BTBD10: variants seen among roughly 807,000 people sequenced by gnomAD.
BTBD10 encodes the protein BTB/POZ domain-containing protein 10.
Under a neutral mutation model 53.2 loss-of-function variants are expected in BTBD10, and 21 were observed. The ratio of observed to expected loss-of-function variants is 0.39; its 90% CI spans 0.28 to 0.57. The LOEUF (loss-of-function observed/expected upper bound fraction) is 0.57, where lower values mean the gene tolerates loss of function less well. Among genes scored for constraint, BTBD10 ranks in the 20% least tolerant of loss-of-function variants. The pLI, the probability that BTBD10 is intolerant of heterozygous loss-of-function variation, is 0.53. For missense variants in BTBD10, 360 were observed against 594.7 expected, an observed-to-expected ratio of 0.61 and a Z score of 4.10; for synonymous variants, 149 against 192.7, an observed-to-expected ratio of 0.77 and a Z score of 1.88.
At chr11:13,390,896 C>A (rs1949392023) in intron 8 of BTBD10, among the ~76,000 whole-genome samples, 2 of 152,282 alleles carry the variant, frequency 1.3e-5, no homozygotes, top group South Asian at 4.2e-4. Flanking sequence ...ATCTAAAAAC[C>A]TGTAGAATGT....
At chr11:13,459,857 T>A (rs1445806521) in intron 1 of BTBD10, 2 of 152,188 alleles carry the variant, frequency 1.3e-5, no homozygotes. Context: ...GATCCTCCTT[T>A]GGGATGGCAA....
rs573638303 is a variant in BTBD10, at chr11:13,388,670, C to A, written c.*161G>T. 23 of 697,956 alleles carry A rather than the reference C, an allele frequency of 3.3e-5. No individual in the cohort carries two copies. In the East Asian group the frequency reaches 4.1e-4, roughly 12 times the overall value. 43.2% of individuals were successfully genotyped at this position (697,956 alleles called of 1,614,324 possible). A position where few individuals can be genotyped will look rare whatever the true frequency, so the allele number is the denominator to read the frequency against. On this transcript the variant is annotated 3_prime_UTR_variant, in exon 9 of 9. Coordinates refer to ENST00000278174, the MANE Select transcript of BTBD10 (RefSeq NM_032320.7). ...AGAGTTGTACTCATTTAAAAAAAAACCATTCAGCTACCTTTGGTCTTTAAA... is the reference window on the plus strand; with the variant it reads ...AGAGTTGTACTCATTTAAAAAAAAAACATTCAGCTACCTTTGGTCTTTAAA...
Position 13,388,728 on chromosome 11 carries a change from A to C in BTBD10, c.*103T>G. ...ACACTGCAATATCCTAAACATTGTTATGTGCATCTCACAATGAAGAAGAGT... is the reference window on the plus strand; with the variant it reads ...ACACTGCAATATCCTAAACATTGTTCTGTGCATCTCACAATGAAGAAGAGT... On this transcript the variant is annotated 3_prime_UTR_variant, in exon 9 of 9. Transcript: ENST00000278174. 8.0e-7 allele frequency: 1 copy of C among 1,253,022 alleles called. No homozygotes were observed. Among genetic ancestry groups the C allele is most frequent in the Non-Finnish European group, 1.1e-6 (1 of 899,836 alleles). 77.6% of individuals were successfully genotyped at this position (1,253,022 alleles called of 1,614,324 possible).
rs562015023 is a variant in BTBD10 at position 13,451,162 on chromosome 11, T to TG, written c.-57-5982dup. Among the ~76,000 whole-genome samples the TG allele has an allele frequency of 1.2e-4, 19 of 152,180 alleles. No homozygotes were observed. In the South Asian group the frequency reaches 3.5e-3, roughly 28 times the overall value. ...CCCTGGCTGATAGCTAAAATACACA[T>TG]GTACGGGAGGTAGGGGAGGGACATC... On this transcript the variant is annotated intron_variant, in intron 1 of 8. Transcript: ENST00000278174.
chr11:13,413,414 T>A (rs905757816), intron 6 of BTBD10, 116 bp downstream of exon 6: 1 of 868,250 alleles, frequency 1.2e-6, no homozygotes, highest in African/African-American at 1.7e-5. Context: ...ACTAGAATGC[T>A]TTATAATTGA....
chr11:13,459,120 G>A (rs1358735259), intron 1 of BTBD10, among the ~76,000 whole-genome samples: 1 of 149,024 alleles, frequency 6.7e-6, no homozygotes, highest in African/African-American at 2.5e-5. Flanking sequence ...GCAGTGGCGG[G>A]ATCTCGGCTC....
intron 2 of BTBD10, among the ~76,000 whole-genome samples, chr11:13,425,389 C>G (rs1950316565): frequency 6.6e-6 from 1 of 151,902 alleles, no homozygotes; most frequent in Non-Finnish European, 1.5e-5. Context: ...ATCAAACACA[C>G]AAATGAGGTA....
At chr11:13,460,968 C>CTG (rs1286181955) in intron 1 of BTBD10, among the ~76,000 whole-genome samples, 1 of 152,158 alleles carries the variant, frequency 6.6e-6, no homozygotes, top group East Asian at 1.9e-4. Flanking sequence ...ACCATAAATA[C>CTG]TGAGATGCTT....
At chr11:13,400,701 G>T (rs936275972) in intron 8 of BTBD10, among the ~76,000 whole-genome samples, 12 of 146,794 alleles carry the variant, frequency 8.2e-5, no homozygotes, top group African/African-American at 3.0e-4. Context: ...CCCCCCAGAG[G>T]TAGTTCTTTA....
intron 1 of BTBD10, among the ~76,000 whole-genome samples, chr11:13,461,473 G>T (rs769915197): frequency 7.2e-5 from 11 of 152,132 alleles, no homozygotes; most frequent in Non-Finnish European, 1.0e-4. Context: ...ATGTGAGTTT[G>T]TTGCTCATGC....
At chr11:13,439,674 C>G (rs897526003) in intron 2 of BTBD10, among the ~76,000 whole-genome samples, 3 of 152,008 alleles carry the variant, frequency 2.0e-5, no homozygotes, top group Admixed American at 2.0e-4. Flanking sequence ...AAACACAAAG[C>G]ATCAAACCCA....
chr11:13,443,904 T>C (rs1191281389), intron 2 of BTBD10, among the ~76,000 whole-genome samples: 1 of 151,894 alleles, frequency 6.6e-6, no homozygotes, highest in Non-Finnish European at 1.5e-5. Flanking sequence ...ATCTTTAATC[T>C]AAATGACAAA....
chr11:13,410,683 C>T (rs1055889345), intron 6 of BTBD10, among the ~76,000 whole-genome samples: 2 of 152,128 alleles, frequency 1.3e-5, no homozygotes, highest in Admixed American at 1.3e-4. Flanking sequence ...TTAGGATCAA[C>T]TAAAAAATTA....
intron 4 of BTBD10, among the ~76,000 whole-genome samples, chr11:13,418,788 A>G (rs1642624671): frequency 6.6e-6 from 1 of 152,074 alleles, no homozygotes; most frequent in South Asian, 2.1e-4. Flanking sequence ...GAACAAAGAT[A>G]CTGATTTTGC....
Position 13,419,641 on chromosome 11 carries a change from T to G in BTBD10, c.403A>C (p.Ser135Arg). 1 of 1,614,144 alleles carries G rather than the reference T, an allele frequency of 6.2e-7. No homozygotes were observed. Among genetic ancestry groups the G allele is most frequent in the Non-Finnish European group, 8.5e-7 (1 of 1,179,980 alleles). Residue 135 changes from serine (S) to arginine (R), a missense_variant, in exon 4 of 9, where the codon AGT (serine) becomes CGT (arginine). Transcript: ENST00000278174. Reference protein sequence around the residue: ...SSAGNSSRNSSQSSSDGSCKT... With the variant: ...SSAGNSSRNSRQSSSDGSCKT... ...CAGCTACCATCTGAACTTGACTGAC[T>G]ACTGTTTCTGCTGCTGTTCCCAGCA...
intron 1 of BTBD10, among the ~76,000 whole-genome samples, chr11:13,447,335 C>T (rs1333461527): frequency 1.3e-5 from 2 of 152,072 alleles, no homozygotes; most frequent in African/African-American, 4.8e-5. Flanking sequence ...TAACTCACTG[C>T]AGTCTCCAAC....
intron 8 of BTBD10, among the ~76,000 whole-genome samples, chr11:13,395,678 CAT>C (rs1949528672): frequency 4.6e-5 from 7 of 152,128 alleles, no homozygotes; most frequent in African/African-American, 1.7e-4. Context: ...TTAGGTCTAA[CAT>C]GTAAGTCTTT....
intron 4 of BTBD10, among the ~76,000 whole-genome samples, 167 bp from the exon 5 acceptor site, chr11:13,417,427 C>T (rs1950140765): frequency 6.6e-6 from 1 of 152,086 alleles, no homozygotes; most frequent in African/African-American, 2.4e-5. Context: ...ATATTAAAAA[C>T]ATTTTCTTTT....
chr11:13,455,358 T>C (rs1014962234), intron 1 of BTBD10, among the ~76,000 whole-genome samples: 22 of 152,242 alleles, frequency 1.4e-4, no homozygotes, highest in African/African-American at 5.3e-4. Flanking sequence ...GAATTTCTAT[T>C]CAAATTTTGC....
Sources: gnomAD v4.1 joint callset for allele counts (sites outside exome capture counted in the v4.1 genomes callset) on GRCh38, gnomAD v4.1.1 for gene constraint, MANE v1.5 for transcripts, NCBI Gene and HGNC (gene_info 2026-07-23, HGNC 2026-07-21) for gene names.